FAIM2: variants seen among roughly 807,000 people sequenced by gnomAD.
FAIM2 encodes Fas apoptotic inhibitory molecule 2.
In FAIM2, 27 loss-of-function variants were observed where a neutral mutation model predicts 47.4. The observed-to-expected ratio is 0.57, with a 90% CI of 0.42 to 0.78. The LOEUF (loss-of-function observed/expected upper bound fraction) is 0.78. Ranked by LOEUF, FAIM2 falls within the 30% of genes least tolerant of loss-of-function variation. FAIM2 has a pLI of 0.00. For missense variants in FAIM2, 311 were observed against 389.4 expected, an observed-to-expected ratio of 0.80 and a Z score of 1.69; for synonymous variants, 156 against 159.3, an observed-to-expected ratio of 0.98 and a Z score of 0.16.
rs200379658 is a variant in FAIM2, at chr12:49,879,080, A to C, written c.801+8306T>G. 7.9e-5 allele frequency among the ~76,000 whole-genome samples: 10 copies of C among 127,052 alleles called. 1 individual carries two copies. Among genetic ancestry groups the C allele is most frequent in the African/African-American group, 2.7e-4 (9 of 33,228 alleles). 83.4% of individuals were successfully genotyped at this position (127,052 alleles called of 152,430 possible). A position where few individuals can be genotyped will look rare whatever the true frequency, so the allele number is the denominator to read the frequency against. ...TGCATGTATGTATATGTGCATGTGT[A>C]TGTGTCTGTGTGCATGTGAGTGTAT... On this transcript the variant is annotated intron_variant, in intron 11 of 11. Coordinates refer to ENST00000320634, the MANE Select transcript of FAIM2 (RefSeq NM_012306.4).
At chr12:49,878,608 GTGTATGTGTGCATA>G (rs1332183230) in intron 11 of FAIM2, among the ~76,000 whole-genome samples, 1 of 136,390 alleles carries the variant, frequency 7.3e-6, no homozygotes, top group Non-Finnish European at 1.6e-5. Flanking sequence ...ATGTGTGCAT[GTGTATGTGTGCATA>G]TGTGTATGTA....
intron 2 of FAIM2, 26 bp downstream of exon 2, chr12:49,901,104 C>T: frequency 1.3e-6 from 2 of 1,534,566 alleles, no homozygotes; most frequent in Non-Finnish European, 1.7e-6. Flanking sequence ...CATGATGCTT[C>T]AGGTTCCAGG....
chr12:49,883,763 G>A (rs916628448), intron 11 of FAIM2, among the ~76,000 whole-genome samples: 1 of 152,134 alleles, frequency 6.6e-6, no homozygotes, highest in Non-Finnish European at 1.5e-5. Context: ...GGTGGGTGGT[G>A]GCCTGGACAC....
chr12:49,878,339 A>AT (rs1946758104), intron 11 of FAIM2, among the ~76,000 whole-genome samples: 1 of 91,790 alleles, frequency 1.1e-5, no homozygotes, highest in African/African-American at 4.3e-5. Context: ...TGTGCATGTG[A>AT]GTGTATGTGT....
chr12:49,881,137 G>A (rs914601183), intron 11 of FAIM2, among the ~76,000 whole-genome samples: 6 of 152,120 alleles, frequency 3.9e-5, no homozygotes, highest in African/African-American at 1.4e-4. Context: ...ATGCCATTAG[G>A]CTTGCAGCAT....
At chr12:49,896,527 T>C (rs927556300) in intron 5 of FAIM2, among the ~76,000 whole-genome samples, 3 of 152,200 alleles carry the variant, frequency 2.0e-5, no homozygotes, top group Non-Finnish European at 4.4e-5. Flanking sequence ...AACCTTAATT[T>C]TCTGAAGTAG....
intron 11 of FAIM2, among the ~76,000 whole-genome samples, chr12:49,880,494 A>ATGTGTGTGTG (rs3049280): frequency 1.4e-5 from 2 of 138,816 alleles, no homozygotes; most frequent in African/African-American, 5.2e-5. Context: ...ATGCATGTGT[A>ATGTGTGTGTG]TGTGTGTGTA....
chr12:49,897,114 T>C, intron 4 of FAIM2, 30 bp from the exon 5 acceptor site: 1 of 1,564,316 alleles, frequency 6.4e-7, no homozygotes. Flanking sequence ...GGAGAGAGAG[T>C]CAGAATGTAC....
intron 5 of FAIM2, 122 bp downstream of exon 5, chr12:49,896,909 G>A: frequency 1.2e-6 from 1 of 810,990 alleles, no homozygotes; most frequent in Non-Finnish European, 2.2e-6. Context: ...GATCTGTGAG[G>A]ACAGTCCCTG....
At chr12:49,870,699 G>C (rs747286406) in intron 11 of FAIM2, 46 bp from the exon 12 acceptor site, 1 of 1,598,468 alleles carries the variant, frequency 6.3e-7, no homozygotes, top group South Asian at 1.1e-5. Flanking sequence ...GGCCCAGGCA[G>C]TGTGACACTG....
intron 5 of FAIM2, among the ~76,000 whole-genome samples, chr12:49,892,975 C>G (rs1946910708): frequency 2.0e-5 from 3 of 152,170 alleles, no homozygotes; most frequent in Admixed American, 2.0e-4. Context: ...CTCTGCTACA[C>G]CCAATTAACC....
chr12:49,877,788 GTA>G (rs1158096742), intron 11 of FAIM2, among the ~76,000 whole-genome samples: 1 of 152,002 alleles, frequency 6.6e-6, no homozygotes, highest in African/African-American at 2.4e-5. Context: ...GTGTGCATGT[GTA>G]TATATGTGTG....
chr12:49,897,283 C>T (rs1183353710), intron 4 of FAIM2, among the ~76,000 whole-genome samples, 199 bp from the exon 5 acceptor site: 3 of 152,150 alleles, frequency 2.0e-5, no homozygotes, highest in Admixed American at 6.5e-5. Context: ...GCTAGTGGTT[C>T]GGATCAGAAG....
intron 10 of FAIM2, 85 bp from the exon 11 acceptor site, chr12:49,887,524 G>T: frequency 8.5e-7 from 1 of 1,177,032 alleles, no homozygotes; most frequent in Non-Finnish European, 1.2e-6. Flanking sequence ...TCCAGAGAAT[G>T]GAGGACACGG....
chr12:49,891,863 T>C (rs975168824), intron 5 of FAIM2, among the ~76,000 whole-genome samples: 4 of 152,014 alleles, frequency 2.6e-5, no homozygotes, highest in Non-Finnish European at 5.9e-5. Flanking sequence ...CGATGGAGGA[T>C]TGAGGATTTT....
chr12:49,900,363 A>C, intron 2 of FAIM2: 1 of 388,596 alleles, frequency 2.6e-6, no homozygotes, highest in Non-Finnish European at 4.4e-6. Context: ...GGAAGGCCAC[A>C]GGGGCTAAGG....
intron 10 of FAIM2, among the ~76,000 whole-genome samples, chr12:49,888,000 C>T (rs534383310): frequency 4.6e-5 from 7 of 152,282 alleles, no homozygotes; most frequent in Admixed American, 4.6e-4. Flanking sequence ...CTCTCTGCCC[C>T]CTGAGTCTTC....
Position 49,879,686 on chromosome 12 carries a change from CTG to C in FAIM2, c.801+7698_801+7699del, listed in dbSNP as rs1310863641. ...TATGTGAGTGTGTGCATGTGTGTAT[CTG>C]TGTCTGTGTGCATGTGTGTGTGTGT... is the stretch of plus-strand genomic sequence containing the variant. On this transcript the variant is annotated intron_variant, in intron 11 of 11. Coordinates refer to ENST00000320634, the MANE Select transcript of FAIM2 (RefSeq NM_012306.4). Among the ~76,000 whole-genome samples the C allele has an allele frequency of 1.5e-3, 146 of 96,872 alleles. 1 individual carries two copies. The highest frequency in any genetic ancestry group is 7.2e-3 in the Admixed American group (67 of 9,308). 63.6% of individuals were successfully genotyped at this position (96,872 alleles called of 152,430 possible).
chr12:49,891,763 A>G (rs1946901908), intron 5 of FAIM2, among the ~76,000 whole-genome samples: 1 of 152,204 alleles, frequency 6.6e-6, no homozygotes, highest in Non-Finnish European at 1.5e-5. Flanking sequence ...TGGAACAAGC[A>G]GGAAGTGGCA....
Sources: gnomAD v4.1 joint callset for allele counts (sites outside exome capture counted in the v4.1 genomes callset) on GRCh38, gnomAD v4.1.1 for gene constraint, MANE v1.5 for transcripts, NCBI Gene and HGNC (gene_info 2026-07-23, HGNC 2026-07-21) for gene names.